The following ABTB3 variants were observed in gnomAD, a reference collection of about 807,000 sequenced individuals.
ABTB3 encodes ankyrin repeat and BTB domain containing 3.
chr12:107,499,042 A>G, the ABTB3 span, among the ~76,000 whole-genome samples: 26 of 152,248 alleles, frequency 1.7e-4, no homozygotes, highest in African/African-American at 6.3e-4. Context: ...CTCTATGATA[A>G]AAGTTTAGCT....
chr12:107,318,454 C>G, the ABTB3 span: 3 of 153,770 alleles, frequency 2.0e-5, no homozygotes, highest in African/African-American at 7.2e-5. Context: ...CTGCTGCGCT[C>G]CGGTGCAGGG....
chr12:107,321,043 C>G, the ABTB3 span, among the ~76,000 whole-genome samples: 13 of 152,284 alleles, frequency 8.5e-5, no homozygotes, highest in East Asian at 2.5e-3. Flanking sequence ...CGGTGCTGCC[C>G]GTCTGCGAAA....
the ABTB3 span, among the ~76,000 whole-genome samples, chr12:107,532,718 T>G: frequency 6.6e-6 from 1 of 152,120 alleles, no homozygotes; most frequent in Non-Finnish European, 1.5e-5. Context: ...CTGGGGCACA[T>G]TATAGTCAAA....
chr12:107,346,695 G>T, the ABTB3 span, among the ~76,000 whole-genome samples: 2 of 152,136 alleles, frequency 1.3e-5, no homozygotes, highest in African/African-American at 4.8e-5. Flanking sequence ...TCCTGACCTT[G>T]TGATCTGCCC....
the ABTB3 span, among the ~76,000 whole-genome samples, chr12:107,419,012 G>A: frequency 6.6e-6 from 1 of 152,174 alleles, no homozygotes; most frequent in East Asian, 1.9e-4. Context: ...AAAGGAGCAG[G>A]TTGCTGGAAT....
the ABTB3 span, among the ~76,000 whole-genome samples, chr12:107,511,922 C>A: frequency 6.6e-6 from 1 of 152,104 alleles, no homozygotes; most frequent in East Asian, 1.9e-4. Flanking sequence ...CTGACGGAAG[C>A]CTCATCAACA....
At chr12:107,374,172 C>G in the ABTB3 span, among the ~76,000 whole-genome samples, 1 of 152,224 alleles carries the variant, frequency 6.6e-6, no homozygotes, top group African/African-American at 2.4e-5. Flanking sequence ...CCTGCCTGGT[C>G]AGAGCACTTC....
chr12:107,365,356 A>G, the ABTB3 span, among the ~76,000 whole-genome samples: 1 of 152,340 alleles, frequency 6.6e-6, no homozygotes, highest in South Asian at 2.1e-4. Context: ...AATAATAGTT[A>G]TTGTTCAGAG....
chr12:107,457,641 T>C, the ABTB3 span, among the ~76,000 whole-genome samples: 20,751 of 152,140 alleles, frequency 0.14, 1,695 homozygotes, highest in African/African-American at 0.23. Context: ...ACAGAGTCCT[T>C]CTGGGCAGAC....
At chr12:107,606,426 T>C in the ABTB3 span, among the ~76,000 whole-genome samples, 36 of 152,346 alleles carry the variant, frequency 2.4e-4, no homozygotes, top group African/African-American at 7.5e-4. Flanking sequence ...CATCTCCTGA[T>C]GTTCTTGCAA....
the ABTB3 span, among the ~76,000 whole-genome samples, chr12:107,407,015 T>A: frequency 6.6e-6 from 1 of 152,048 alleles, no homozygotes; most frequent in South Asian, 2.1e-4. Flanking sequence ...CCACTTAATC[T>A]TTCCCTTCCT....
the ABTB3 span, among the ~76,000 whole-genome samples, chr12:107,571,761 C>T: frequency 3.3e-5 from 5 of 152,166 alleles, no homozygotes; most frequent in Admixed American, 1.3e-4. Flanking sequence ...GCCACAGAGG[C>T]CTCTGCCTTC....
the ABTB3 span, among the ~76,000 whole-genome samples, chr12:107,338,626 A>G: frequency 3.3e-5 from 5 of 152,144 alleles, no homozygotes; most frequent in South Asian, 8.3e-4. Flanking sequence ...ACATAATCCA[A>G]CCAACCCAAG....
chr12:107,652,717 T>C, the ABTB3 span, among the ~76,000 whole-genome samples: 5 of 152,160 alleles, frequency 3.3e-5, no homozygotes, highest in Non-Finnish European at 7.4e-5. Flanking sequence ...CAGTCTTCAC[T>C]CCAGTTTTCA....
At chr12:107,530,833 G>T in the ABTB3 span, among the ~76,000 whole-genome samples, 1 of 152,126 alleles carries the variant, frequency 6.6e-6, no homozygotes. Context: ...GCTACATTTT[G>T]AATTCAAACA....
At chr12:107,517,736 A>G in the ABTB3 span, among the ~76,000 whole-genome samples, 2 of 152,224 alleles carry the variant, frequency 1.3e-5, no homozygotes, top group African/African-American at 4.8e-5. Context: ...ACCAAAAGCA[A>G]TGGCAACAAA....
the ABTB3 span, among the ~76,000 whole-genome samples, chr12:107,366,088 G>A: frequency 6.6e-6 from 1 of 152,170 alleles, no homozygotes; most frequent in South Asian, 2.1e-4. Context: ...TGCTGAGAGT[G>A]TGCCACCTTC....
At chr12:107,368,266 G>C in the ABTB3 span, among the ~76,000 whole-genome samples, 1 of 152,152 alleles carries the variant, frequency 6.6e-6, no homozygotes, top group African/African-American at 2.4e-5. Flanking sequence ...ATCACACACT[G>C]GCTCTTAAAG....
At chr12:107,540,271 G>T in the ABTB3 span, among the ~76,000 whole-genome samples, 1 of 152,140 alleles carries the variant, frequency 6.6e-6, no homozygotes, top group Non-Finnish European at 1.5e-5. Context: ...GGCAGGAGGT[G>T]GAAGGGCAAG....
Sources: gnomAD v4.1 joint callset for allele counts (sites outside exome capture counted in the v4.1 genomes callset) on GRCh38, gnomAD v4.1.1 for gene constraint, MANE v1.5 for transcripts, NCBI Gene and HGNC (gene_info 2026-07-23, HGNC 2026-07-21) for gene names.